Variants in CLSTN2 observed in about 807,000 individuals in gnomAD.
CLSTN2 encodes calsyntenin 2.
In CLSTN2, 48 loss-of-function variants were observed where a neutral mutation model predicts 101.2. That is an observed-to-expected ratio of 0.47 (90% CI 0.38 to 0.60). CLSTN2 has a LOEUF of 0.60. Ranked by LOEUF, CLSTN2 falls within the 20% of genes least tolerant of loss-of-function variation. CLSTN2 has a pLI of 0.00. For synonymous variants in CLSTN2, 481 were observed against 463.6 expected (o/e 1.04, Z -0.48); for missense variants, 1,160 against 1,238.2 (o/e 0.94, Z 0.95).
At chr3:140,456,243 G>C (rs1010949396) in intron 6 of CLSTN2, among the ~76,000 whole-genome samples, 1 of 152,306 alleles carries the variant, frequency 6.6e-6, no homozygotes, top group African/African-American at 2.4e-5. Flanking sequence ...CTCCCTCCAG[G>C]TCCACTGAGG....
At position 140,404,571 on chromosome 3, in the gene CLSTN2, A is replaced by G; in HGVS notation, c.442A>G (p.Ile148Val). 6.2e-7 allele frequency: 1 copy of G among 1,614,118 alleles called. No individual in the cohort carries two copies. Among genetic ancestry groups the G allele is most frequent in the African/African-American group, 1.3e-5 (1 of 75,022 alleles). Residue 148 changes from isoleucine to valine, a missense_variant, in exon 4 of 17, where the codon ATA becomes GTA. Physicochemically the swap from Ile to Val is conservative, Grantham distance 29. Transcript: ENST00000458420. ...GTGTGGTCCCAGGGCCGTGGTCCAT[A>G]TACAGGTGAAGGATGTCAACGAGTT... ...WKKSHKAVVHIQVKDVNEFAP... is the reference protein window; with the variant it reads ...WKKSHKAVVHVQVKDVNEFAP...
chr3:140,251,415 T>G (rs1228727328), intron 2 of CLSTN2, among the ~76,000 whole-genome samples: 1 of 152,234 alleles, frequency 6.6e-6, no homozygotes, highest in East Asian at 1.9e-4. Context: ...GCATATTTTG[T>G]GACTAAGAGT....
At chr3:140,455,794 C>G (rs1023773620) in intron 6 of CLSTN2, among the ~76,000 whole-genome samples, 1 of 152,246 alleles carries the variant, frequency 6.6e-6, no homozygotes, top group Non-Finnish European at 1.5e-5. Flanking sequence ...AGTAAATCTT[C>G]TCAGTTTGTT....
intron 1 of CLSTN2, among the ~76,000 whole-genome samples, chr3:140,119,730 A>T (rs114183045): frequency 1.3e-5 from 2 of 152,156 alleles, no homozygotes; most frequent in Non-Finnish European, 2.9e-5. Context: ...GCTGGTCTCA[A>T]ATTCAAGTGA....
intron 1 of CLSTN2, among the ~76,000 whole-genome samples, chr3:140,104,744 C>T (rs760368794): frequency 5.3e-5 from 8 of 152,190 alleles, no homozygotes; most frequent in Admixed American, 1.3e-4. Flanking sequence ...GAGGCCAAGG[C>T]GGGCAGATCA....
intron 2 of CLSTN2, among the ~76,000 whole-genome samples, chr3:140,329,565 G>A (rs780499540): frequency 6.6e-6 from 1 of 151,988 alleles, no homozygotes; most frequent in African/African-American, 2.4e-5. Flanking sequence ...TTGAGATATG[G>A]CTTATAAATG....
At chr3:140,002,233 C>T (rs979675069) in intron 1 of CLSTN2, among the ~76,000 whole-genome samples, 3 of 152,072 alleles carry the variant, frequency 2.0e-5, no homozygotes, top group African/African-American at 4.8e-5. Context: ...TTTGTTATTG[C>T]GTGTCTTTTG....
intron 8 of CLSTN2, among the ~76,000 whole-genome samples, chr3:140,480,680 A>G (rs973029141): frequency 1.3e-5 from 2 of 152,088 alleles, no homozygotes; most frequent in Non-Finnish European, 2.9e-5. Flanking sequence ...TTTGATTTGC[A>G]TTTCTCTGAT....
At chr3:140,230,342 C>A (rs1490784767) in intron 2 of CLSTN2, among the ~76,000 whole-genome samples, 4 of 152,154 alleles carry the variant, frequency 2.6e-5, no homozygotes, top group African/African-American at 9.7e-5. Flanking sequence ...TATTTTAGAC[C>A]TACCTATAAT....
chr3:140,494,565 G>T (rs977830644), intron 8 of CLSTN2, among the ~76,000 whole-genome samples: 1 of 152,112 alleles, frequency 6.6e-6, no homozygotes, highest in African/African-American at 2.4e-5. Flanking sequence ...CCATCACCTA[G>T]GTATTAAGCC....
intron 1 of CLSTN2, among the ~76,000 whole-genome samples, chr3:140,064,456 A>G (rs1172547725): frequency 6.6e-6 from 1 of 152,240 alleles, no homozygotes; most frequent in Non-Finnish European, 1.5e-5. Context: ...AAATCAAAGC[A>G]AAATAAAACC....
At chr3:140,457,537 G>T (rs1933432920) in intron 6 of CLSTN2, among the ~76,000 whole-genome samples, 1 of 152,206 alleles carries the variant, frequency 6.6e-6, no homozygotes, top group Non-Finnish European at 1.5e-5. Flanking sequence ...GTGGAGGGTG[G>T]TATTAAAGGA....
At chr3:140,550,991 T>C (rs1439314168) in intron 10 of CLSTN2, among the ~76,000 whole-genome samples, 2 of 151,982 alleles carry the variant, frequency 1.3e-5, no homozygotes, top group East Asian at 1.9e-4. Flanking sequence ...CTGGGGGCTA[T>C]TGTATGTTCA....
chr3:140,467,682 A>G (rs1933740662), intron 8 of CLSTN2, among the ~76,000 whole-genome samples: 1 of 152,014 alleles, frequency 6.6e-6, no homozygotes, highest in African/African-American at 2.4e-5. Context: ...CACTGTGTGT[A>G]CTACACTACC....
intron 1 of CLSTN2, among the ~76,000 whole-genome samples, chr3:139,997,831 G>C (rs937509608): frequency 2.6e-5 from 4 of 152,004 alleles, no homozygotes; most frequent in Non-Finnish European, 5.9e-5. Flanking sequence ...GAATGGAGTT[G>C]CATCAGATTT....
chr3:140,278,637 A>G (rs534282342), intron 2 of CLSTN2, among the ~76,000 whole-genome samples: 17 of 152,330 alleles, frequency 1.1e-4, no homozygotes, highest in African/African-American at 3.6e-4. Context: ...TAGTGCCAGG[A>G]ACTGTCTTTT....
intron 8 of CLSTN2, among the ~76,000 whole-genome samples, chr3:140,514,575 G>C (rs1395940604): frequency 1.3e-5 from 2 of 152,112 alleles, no homozygotes; most frequent in Non-Finnish European, 2.9e-5. Context: ...ATTGCAAATT[G>C]TGCTGCCATT....
intron 8 of CLSTN2, among the ~76,000 whole-genome samples, chr3:140,511,324 AACGTAC>A (rs1934808673): frequency 6.6e-6 from 1 of 152,152 alleles, no homozygotes; most frequent in Admixed American, 6.5e-5. Flanking sequence ...TGCTACAGTG[AACGTAC>A]ACGTGCTTGT....
At position 140,568,764 on chromosome 3, in the gene CLSTN2, C is replaced by T. The variant is rs112971355; in HGVS notation, c.*2511C>T. ...TTGGGTAGGGAAGGTGTTCCTCATG[C>T]TCTCTGGGTGGCTGCCTTATTCATA... is the stretch of plus-strand genomic sequence containing the variant. On this transcript the variant is annotated 3_prime_UTR_variant, in exon 17 of 17. Transcript: ENST00000458420. The T allele has an allele frequency of 1.3e-5, 2 of 152,040 alleles. No individual in the cohort carries two copies. Among genetic ancestry groups the T allele is most frequent in the Non-Finnish European group, 2.9e-5 (2 of 68,008 alleles). 9.4% of individuals were successfully genotyped at this position (152,040 alleles called of 1,614,324 possible).
Sources: allele counts gnomAD v4.1 joint callset (sites outside exome capture counted in the v4.1 genomes callset), GRCh38; gene constraint gnomAD v4.1.1; transcripts MANE v1.5; gene names NCBI Gene and HGNC (gene_info 2026-07-23, HGNC 2026-07-21).